The following ZNF318 variants were observed in gnomAD, a reference collection of about 807,000 sequenced individuals.
ZNF318 encodes zinc finger protein 318.
In ZNF318, 51 loss-of-function variants were observed where a neutral mutation model predicts 124.2. The ratio of observed to expected loss-of-function variants is 0.41; its 90% CI spans 0.33 to 0.52. ZNF318 has a LOEUF of 0.52. ZNF318 is among the 20% of genes least tolerant of loss of function. The pLI, the probability that ZNF318 is intolerant of heterozygous loss-of-function variation, is 0.23. For missense variants in ZNF318, 2,815 were observed against 2,811.2 expected (o/e 1.00, Z -0.03); for synonymous variants, 1,090 against 1,040.7 (o/e 1.05, Z -0.91).
At chr6:43,362,135 G>A (rs570550506) in intron 2 of ZNF318, among the ~76,000 whole-genome samples, 4 of 151,946 alleles carry the variant, frequency 2.6e-5, no homozygotes, top group African/African-American at 9.7e-5. Context: ...CTCCAGCCTG[G>A]GTGACAAGAG....
intron 6 of ZNF318, among the ~76,000 whole-genome samples, chr6:43,344,527 G>C (rs1779412743): frequency 1.3e-5 from 2 of 152,178 alleles, no homozygotes; most frequent in Admixed American, 1.3e-4. Flanking sequence ...AAATACACTT[G>C]AATAATCAAC....
At chr6:43,366,074 T>C (rs977888998) in intron 1 of ZNF318, among the ~76,000 whole-genome samples, 2 of 152,098 alleles carry the variant, frequency 1.3e-5, no homozygotes, top group Non-Finnish European at 2.9e-5. Context: ...GTAAGTGCTA[T>C]AGTCATTAAA....
In ZNF318 at chr6:43,364,107, C is replaced by A. The variant is rs1779726234; in HGVS notation, c.548+1185G>T. The A allele has an allele frequency of 7.0e-6, 8 of 1,144,588 alleles. No homozygotes were observed. In the South Asian group the frequency reaches 1.0e-4, roughly 15 times the overall value. The allele number at this position is 1,144,588 out of a possible 1,614,324, so 70.9% of individuals were successfully genotyped here. Reference sequence around the variant, plus strand: ...ACCTCAGCCAGGGGCTGCACTGCCACCCTGGGCAACTTCGCCAAGGCCACC... The same window carrying A: ...ACCTCAGCCAGGGGCTGCACTGCCAACCTGGGCAACTTCGCCAAGGCCACC... On this transcript the variant is annotated intron_variant, in intron 2 of 9. Coordinates refer to ENST00000361428, the MANE Select transcript of ZNF318 (RefSeq NM_014345.3).
At chr6:43,354,110 C>CACAT (rs1204443032) in intron 4 of ZNF318, among the ~76,000 whole-genome samples, 1 of 152,038 alleles carries the variant, frequency 6.6e-6, no homozygotes, top group Non-Finnish European at 1.5e-5. Flanking sequence ...CACATACACA[C>CACAT]ACACACACAC....
At position 43,357,398 on chromosome 6, in the gene ZNF318, G is replaced by T. The variant is rs750010245; in HGVS notation, c.916C>A (p.Pro306Thr). The stretch of plus-strand genomic sequence containing the variant: ...TCAGGGTCGAGAAACCTAGGACTTG[G>T]GCTTCTTCTACGCTGTCGATAGTTG... ...TRNYRQRRRS[P>T]SPRFLDPEFR... Residue 306 changes from proline (P) to threonine (T), a missense_variant, in exon 3 of 10, where the codon CCA becomes ACA. Around this residue, in one of 4 missense-constraint regions of ZNF318, gnomAD observed 1,377 missense variants for 1,353.5 expected, o/e 1.02. Coordinates refer to ENST00000361428, the MANE Select transcript of ZNF318 (RefSeq NM_014345.3). 6.2e-7 allele frequency: 1 copy of T among 1,614,074 alleles called. No homozygotes were observed. The highest frequency in any genetic ancestry group is 1.1e-5 in the South Asian group (1 of 91,074).
At chr6:43,367,831 A>G (rs1181818154) in intron 1 of ZNF318, among the ~76,000 whole-genome samples, 4 of 152,216 alleles carry the variant, frequency 2.6e-5, no homozygotes, top group African/African-American at 4.8e-5. Context: ...TACATGTTAG[A>G]GAGCCACTCA....
Position 43,352,437 on chromosome 6 carries a change from C to T in ZNF318, c.2710G>A (p.Ala904Thr), listed in dbSNP as rs372157289. 1.2e-6 allele frequency: 2 copies of T among 1,614,132 alleles called. No individual in the cohort carries two copies. The highest frequency in any genetic ancestry group is 3.3e-5 in the Admixed American group (2 of 60,012). The stretch of plus-strand genomic sequence containing the variant: ...AGATAGTACATCTTCTTCTGGCGGG[C>T]TTCCCGGTCATTCTTTAGTTTTTCC... ...EREKLKNDRE[A>T]RQKKMYYLRT... The change falls in exon 5 of 10, where the codon GCC becomes ACC. Residue 904 changes from alanine (A) to threonine (T), a missense_variant. Ala to Thr is a moderately conservative substitution (Grantham distance 58, BLOSUM62 0). Around this residue, in one of 4 missense-constraint regions of ZNF318, gnomAD observed 1,377 missense variants for 1,353.5 expected, o/e 1.02. Coordinates refer to ENST00000361428, the MANE Select transcript of ZNF318 (RefSeq NM_014345.3).
rs1346419026 is a variant in ZNF318, at chr6:43,354,841, G to A, written c.2493C>T (p.Ser831=). 4 of 1,614,082 alleles carry A rather than the reference G, an allele frequency of 2.5e-6. No homozygotes were observed. In the East Asian group the frequency reaches 6.7e-5, roughly 27 times the overall value. Residue 831 remains serine, a synonymous_variant, in exon 4 of 10, where the codon AGC becomes AGT. Coordinates refer to ENST00000361428, the MANE Select transcript of ZNF318 (RefSeq NM_014345.3). ...IMPITKQATR[S]RPNLRVIPTV... ...TGGGGATCACACGAAGATTGGGACG[G>A]CTACGAGTAGCTTGTTTGGTTATTG...
rs984161700 is a variant in ZNF318, at chr6:43,336,132, C to G, written c.*1026G>C. ...AAAAATAAAGTTAAACTTGTCCAAG[C>G]CAACTCATAAATTCTTTAATCTTTT... On this transcript the variant is annotated 3_prime_UTR_variant, in exon 10 of 10. Coordinates refer to ENST00000361428, the MANE Select transcript of ZNF318 (RefSeq NM_014345.3). 1.3e-5 allele frequency: 2 copies of G among 152,618 alleles called. No homozygotes were observed. Among genetic ancestry groups the G allele is most frequent in the African/African-American group, 4.8e-5 (2 of 41,440 alleles). 9.5% of individuals were successfully genotyped at this position (152,618 alleles called of 1,614,324 possible). A position where few individuals can be genotyped will look rare whatever the true frequency, so the allele number is the denominator to read the frequency against.
Position 43,337,085 on chromosome 6 carries a change from A to C in ZNF318, c.*73T>G, listed in dbSNP as rs1779290016. The C allele has an allele frequency of 7.3e-7, 1 of 1,368,946 alleles. No homozygotes were observed. Among genetic ancestry groups the C allele is most frequent in the Admixed American group, 2.5e-5 (1 of 39,372 alleles). 84.8% of individuals were successfully genotyped at this position (1,368,946 alleles called of 1,614,324 possible). A position where few individuals can be genotyped will look rare whatever the true frequency, so the allele number is the denominator to read the frequency against. The stretch of plus-strand genomic sequence containing the variant: ...TAGGTTCCAGATGAGATAACAAACT[A>C]GTCTTGGATCATCTGGGCATCTGAT... On this transcript the variant is annotated 3_prime_UTR_variant, in exon 10 of 10. Transcript: ENST00000361428.
In ZNF318 at chr6:43,354,979, A is replaced by C. The variant is rs1046313811; in HGVS notation, c.2355T>G (p.Pro785=). 6.2e-7 allele frequency: 1 copy of C among 1,609,990 alleles called. No homozygotes were observed. The highest frequency in any genetic ancestry group is 1.3e-5 in the African/African-American group (1 of 74,820). ...PPNYQGPAIP[P]ASFDAYRHYM... ...AGTGCCTATAGGCATCAAAAGAGGC[A>C]GGGGGAATGGCAGGTCCCTGGTAGT... The change falls in exon 4 of 10, where the codon CCT becomes CCG. Residue 785 remains proline (P), a synonymous_variant. Transcript: ENST00000361428.
Position 43,342,810 on chromosome 6 carries a change from T to C in ZNF318, c.3142A>G (p.Thr1048Ala). The change falls in exon 7 of 10, where the codon ACT (threonine) becomes GCT (alanine). Residue 1048 changes from threonine (T) to alanine (A), a missense_variant. By Grantham distance (58) the Thr-to-Ala change is moderately conservative (BLOSUM62 0). Transcript: ENST00000361428. ...PKPAESPQSA[T>A]KQLDQPTAAY... ...GCAGTGGGCTGATCCAACTGCTTAG[T>C]GGCTGACTGGGGGCTTTCGGCAGGC... is the stretch of plus-strand genomic sequence containing the variant. 4 of 1,614,156 alleles carry C rather than the reference T, an allele frequency of 2.5e-6. No homozygotes were observed. Among genetic ancestry groups the C allele is most frequent in the Non-Finnish European group, 3.4e-6 (4 of 1,180,032 alleles).
rs1779301169 is a variant in ZNF318, at chr6:43,337,553, CTTGT to C, written c.6441_6444del (p.Gln2148SerfsTer7). The C allele has an allele frequency of 4.3e-6, 7 of 1,614,106 alleles. No homozygotes were observed. Among genetic ancestry groups the C allele is most frequent in the Admixed American group, 3.3e-5 (2 of 60,006 alleles). On this transcript the variant is annotated frameshift_variant, in exon 10 of 10. Transcript: ENST00000361428. LOFTEE classifies it low-confidence loss of function (END_TRUNC). ...GTTTTTAATTCCAATCCGAGTGACT[CTTGT>C]TTGTCTAATTGGGAAGATTCTTTTA...
intron 2 of ZNF318, among the ~76,000 whole-genome samples, chr6:43,362,092 G>A (rs1020928655): frequency 3.9e-5 from 6 of 152,124 alleles, no homozygotes; most frequent in Admixed American, 2.6e-4. Flanking sequence ...CCAGGAGTTA[G>A]AGGCTACACT....
intron 2 of ZNF318, among the ~76,000 whole-genome samples, chr6:43,365,021 T>C (rs1779740315): frequency 6.6e-6 from 1 of 152,248 alleles, no homozygotes; most frequent in Non-Finnish European, 1.5e-5. Flanking sequence ...GGGACTCTGA[T>C]TATGTCCCCT....
intron 2 of ZNF318, among the ~76,000 whole-genome samples, chr6:43,359,553 G>A (rs1460000587): frequency 6.6e-6 from 1 of 152,176 alleles, no homozygotes; most frequent in Non-Finnish European, 1.5e-5. Flanking sequence ...TCATCTAGAG[G>A]ATGGTAACTA....
rs370173956 is a variant in ZNF318 at position 43,339,225 on chromosome 6, T to A, written c.4773A>T (p.Leu1591=). The part of the protein sequence containing the change: ...PETKGAPETK[L]SGGPLANGEN... ...CCCCATTGGCCAATGGACCACCACT[T>A]AGCTTAGTCTCAGGGGCCCCCTTAG... Residue 1591 remains leucine, a synonymous_variant, in exon 10 of 10, where the codon CTA becomes CTT. Transcript: ENST00000361428. This position sits in a 1 kb window ranked among gnomAD's most constrained non-coding sequence, Gnocchi z 4.2. 1 of 1,614,200 alleles carries A rather than the reference T, an allele frequency of 6.2e-7. No homozygotes were observed. The highest frequency in any genetic ancestry group is 8.5e-7 in the Non-Finnish European group (1 of 1,180,022).
intron 2 of ZNF318, among the ~76,000 whole-genome samples, chr6:43,358,143 AG>A (rs1779636710): frequency 6.6e-6 from 1 of 152,210 alleles, no homozygotes; most frequent in African/African-American, 2.4e-5. Context: ...AGCTTCTCAA[AG>A]CTCCACCCCA....
chr6:43,358,756 A>G lies in ZNF318; in HGVS notation c.549-991T>C, dbSNP rs932889097. On this transcript the variant is annotated intron_variant, in intron 2 of 9. Coordinates refer to ENST00000361428, the MANE Select transcript of ZNF318 (RefSeq NM_014345.3). ...TTTTTTAGTAGAGATGGGGTTTCAC[A>G]TGTTGGCCAGGCTGGTCTCGAACTC... Among the ~76,000 whole-genome samples the G allele has an allele frequency of 2.0e-5, 3 of 151,608 alleles. No individual in the cohort carries two copies. The South Asian group carries it at 6.2e-4, about 31-fold the overall frequency.
Sources: gnomAD v4.1 joint callset for allele counts (sites outside exome capture counted in the v4.1 genomes callset) on GRCh38, gnomAD v4.1.1 for gene constraint, gnomAD v4.1.1 regional missense constraint, Gnocchi (gnomAD v3.1) non-coding constraint, MANE v1.5 for transcripts, NCBI Gene and HGNC (gene_info 2026-07-23, HGNC 2026-07-21) for gene names.